The following KCNH5 variants were observed in gnomAD, a reference collection of about 807,000 sequenced individuals.
KCNH5 encodes the protein voltage-gated delayed rectifier potassium channel KCNH5.
A neutral mutation model predicts 96.1 loss-of-function variants in KCNH5; 46 were observed. The observed-to-expected ratio is 0.48, with a 90% CI of 0.38 to 0.61. KCNH5 has a LOEUF of 0.61. Ranked by LOEUF, KCNH5 falls within the 20% of genes least tolerant of loss-of-function variation. KCNH5 has a pLI of 0.00. For missense variants in KCNH5, 907 were observed against 1,225.8 expected (o/e 0.74, Z 3.88); for synonymous variants, 439 against 449.8 (o/e 0.98, Z 0.30).
intron 7 of KCNH5, among the ~76,000 whole-genome samples, chr14:62,876,107 C>A (rs1888367393): frequency 6.6e-6 from 1 of 152,130 alleles, no homozygotes; most frequent in East Asian, 1.9e-4. Context: ...GCGGAGGTTG[C>A]AGTGAGTCGA....
chr14:62,815,063 A>G (rs1886950601), intron 8 of KCNH5, among the ~76,000 whole-genome samples: 2 of 152,204 alleles, frequency 1.3e-5, no homozygotes, highest in African/African-American at 4.8e-5. Flanking sequence ...ATATTAATAC[A>G]TTGTGGCACA....
intron 10 of KCNH5, among the ~76,000 whole-genome samples, chr14:62,758,829 AC>A (rs750637591): frequency 6.6e-6 from 1 of 152,342 alleles, no homozygotes; most frequent in Non-Finnish European, 1.5e-5. Context: ...TGGAGCTGGA[AC>A]ACATGAGGAG....
At chr14:62,928,009 G>A (rs1413452744) in intron 7 of KCNH5, among the ~76,000 whole-genome samples, 2 of 152,128 alleles carry the variant, frequency 1.3e-5, no homozygotes, top group African/African-American at 4.8e-5. Flanking sequence ...GAACGTGCCA[G>A]AGAGATAACT....
At chr14:62,733,550 A>T (rs185036372) in intron 10 of KCNH5, among the ~76,000 whole-genome samples, 11 of 151,408 alleles carry the variant, frequency 7.3e-5, no homozygotes, top group Admixed American at 2.6e-4. Flanking sequence ...CCAAACGAAG[A>T]CATATAGGTA....
At chr14:63,042,835 G>C (rs532527178) in intron 1 of KCNH5, among the ~76,000 whole-genome samples, 1 of 152,174 alleles carries the variant, frequency 6.6e-6, no homozygotes, top group Admixed American at 6.5e-5. Flanking sequence ...GAGGTACTGA[G>C]ACTTTTCAGT....
intron 1 of KCNH5, among the ~76,000 whole-genome samples, chr14:63,030,669 C>T (rs1053224724): frequency 6.6e-6 from 1 of 152,136 alleles, no homozygotes; most frequent in Non-Finnish European, 1.5e-5. Flanking sequence ...GGCATCAATA[C>T]TTATTGTTAA....
intron 4 of KCNH5, among the ~76,000 whole-genome samples, chr14:62,992,535 A>G (rs1287022870): frequency 6.6e-6 from 1 of 152,022 alleles, no homozygotes; most frequent in Admixed American, 6.6e-5. Context: ...GTGAGATGGT[A>G]TCTCATTGTA....
At chr14:62,932,004 T>C (rs2140116410) in intron 7 of KCNH5, among the ~76,000 whole-genome samples, 1 of 152,188 alleles carries the variant, frequency 6.6e-6, no homozygotes, top group East Asian at 1.9e-4. Context: ...AACTAGAAAA[T>C]TCCTCCCTGA....
At chr14:62,788,868 G>A (rs954911929) in intron 9 of KCNH5, among the ~76,000 whole-genome samples, 9 of 152,150 alleles carry the variant, frequency 5.9e-5, no homozygotes, top group African/African-American at 2.2e-4. Context: ...AGTATAATGT[G>A]AACATAACTT....
intron 10 of KCNH5, among the ~76,000 whole-genome samples, chr14:62,778,765 G>A (rs1886149513): frequency 6.6e-6 from 1 of 152,188 alleles, no homozygotes; most frequent in African/African-American, 2.4e-5. Context: ...TGAAAATGAT[G>A]TTCAAGTATA....
chr14:62,838,608 T>C (rs1030780409), intron 8 of KCNH5, among the ~76,000 whole-genome samples: 2 of 152,094 alleles, frequency 1.3e-5, no homozygotes, highest in Admixed American at 6.6e-5. Flanking sequence ...ATAAACACAT[T>C]GAAAAGAGCC....
chr14:62,779,157 A>G (rs1244165086), intron 10 of KCNH5, among the ~76,000 whole-genome samples: 1 of 152,204 alleles, frequency 6.6e-6, no homozygotes, highest in Non-Finnish European at 1.5e-5. Context: ...TTTGTGTCAC[A>G]CTCATTGGCT....
At position 62,705,947 on chromosome 14, in the gene KCNH5, T is replaced by G. The variant is rs886774885; in HGVS notation, c.*1561A>C. The stretch of plus-strand genomic sequence containing the variant: ...TTTTCAACTTCATGCAAACACTAAC[T>G]CCCCTGCTCCCCATATTAAATGCTG... On this transcript the variant is annotated 3_prime_UTR_variant, in exon 11 of 11. Coordinates refer to ENST00000322893, the MANE Select transcript of KCNH5 (RefSeq NM_139318.5). 6.6e-6 allele frequency: 1 copy of G among 152,028 alleles called. No individual in the cohort carries two copies. Among genetic ancestry groups the G allele is most frequent in the African/African-American group, 2.4e-5 (1 of 41,420 alleles). 9.4% of individuals were successfully genotyped at this position (152,028 alleles called of 1,614,324 possible). A position where few individuals can be genotyped will look rare whatever the true frequency, so the allele number is the denominator to read the frequency against.
chr14:62,894,301 C>A (rs1396154881), intron 7 of KCNH5, among the ~76,000 whole-genome samples: 2 of 152,154 alleles, frequency 1.3e-5, no homozygotes, highest in African/African-American at 4.8e-5. Context: ...CGCACACAGG[C>A]ACACTGAATC....
chr14:63,024,112 G>A (rs538335062), intron 1 of KCNH5, among the ~76,000 whole-genome samples: 35 of 152,046 alleles, frequency 2.3e-4, no homozygotes, highest in African/African-American at 7.5e-4. Context: ...AGGAGGCTGC[G>A]GCAGGAGAAT....
chr14:62,788,388 A>C (rs181550867), intron 9 of KCNH5, among the ~76,000 whole-genome samples: 4 of 152,280 alleles, frequency 2.6e-5, no homozygotes, highest in Non-Finnish European at 2.9e-5. Flanking sequence ...ATGAGCAAAG[A>C]AAGTGGTTTC....
At chr14:62,931,540 T>C (rs763389441) in intron 7 of KCNH5, among the ~76,000 whole-genome samples, 2 of 152,016 alleles carry the variant, frequency 1.3e-5, no homozygotes, top group Non-Finnish European at 2.9e-5. Flanking sequence ...CAACAAAAGT[T>C]TGGAAGCTGG....
At chr14:62,850,460 G>A (rs1313781307) in intron 7 of KCNH5, among the ~76,000 whole-genome samples, 1 of 152,154 alleles carries the variant, frequency 6.6e-6, no homozygotes, top group East Asian at 1.9e-4. Context: ...GCAATGCCGA[G>A]AAATTCCAGT....
intron 9 of KCNH5, among the ~76,000 whole-genome samples, chr14:62,782,554 A>G (rs1332017631): frequency 3.3e-5 from 5 of 152,180 alleles, no homozygotes; most frequent in Admixed American, 2.0e-4. Context: ...GTTATACAGC[A>G]TCATAATAAC....
Sources: allele counts gnomAD v4.1 joint callset (sites outside exome capture counted in the v4.1 genomes callset), GRCh38; gene constraint gnomAD v4.1.1; transcripts MANE v1.5; gene names NCBI Gene and HGNC (gene_info 2026-07-23, HGNC 2026-07-21).